Variants in TOM1L1 observed in about 807,000 individuals in gnomAD.
TOM1L1 encodes the protein target of myb1 like 1 membrane trafficking protein, also known as TOM1-like protein 1.
A neutral mutation model predicts 63.4 loss-of-function variants in TOM1L1; 64 were observed. That is an observed-to-expected ratio of 1.01 (90% CI 0.83 to 1.24). The LOEUF is 1.24. Among genes scored for constraint, TOM1L1 ranks in the 50% most tolerant of loss-of-function variants. The pLI is 0.00. For synonymous variants in TOM1L1, 166 were observed against 194.4 expected, an observed-to-expected ratio of 0.85 and a Z score of 1.22; for missense variants, 536 against 567.0, an observed-to-expected ratio of 0.95 and a Z score of 0.55.
rs528333976 is a variant in TOM1L1 at position 54,920,591 on chromosome 17, G to T, written c.720+4729G>T. ...CCCAGGTGAAAGAGACCCCTCCAAA[G>T]GACTTTTCCCAGAAGCAACCCATAC... On this transcript the variant is annotated intron_variant, in intron 7 of 15. Coordinates refer to ENST00000575882, the MANE Select transcript of TOM1L1 (RefSeq NM_005486.3). Among the ~76,000 whole-genome samples, 224 of 152,298 alleles carry T rather than the reference G, an allele frequency of 1.5e-3. 8 individuals are homozygous for T. In the South Asian group the frequency reaches 0.045, roughly 31 times the overall value.
chr17:54,913,830 A>G lies in TOM1L1; in HGVS notation c.455A>G (p.Gln152Arg). The change falls in exon 5 of 16, where the codon CAG becomes CGG. Residue 152 changes from glutamine to arginine, a missense_variant. Transcript: ENST00000575882. ...CTCGACCTGGTTAAGAAAGGCGTTC[A>G]GTTTCCTCCCTCAGAAGCAGAGGCT... is the stretch of plus-strand genomic sequence containing the variant. ...VYLDLVKKGV[Q>R]FPPSEAEAET... 6.2e-7 allele frequency: 1 copy of G among 1,612,094 alleles called. No individual in the cohort carries two copies. Among genetic ancestry groups the G allele is most frequent in the Non-Finnish European group, 8.5e-7 (1 of 1,178,744 alleles).
intron 11 of TOM1L1, among the ~76,000 whole-genome samples, chr17:54,939,687 G>GGA (rs1202555810): frequency 6.6e-6 from 1 of 152,044 alleles, no homozygotes; most frequent in African/African-American, 2.4e-5. Flanking sequence ...CCTCTTAATA[G>GGA]CTGGGACTAC....
At chr17:54,906,478 A>G (rs2048412404) in intron 3 of TOM1L1, among the ~76,000 whole-genome samples, 1 of 147,844 alleles carries the variant, frequency 6.8e-6, no homozygotes, top group African/African-American at 2.5e-5. Flanking sequence ...CTCCTTCTCA[A>G]AAAAAAAAAA....
At chr17:54,945,412 A>AT (rs1406581584) in intron 11 of TOM1L1, among the ~76,000 whole-genome samples, 1 of 152,164 alleles carries the variant, frequency 6.6e-6, no homozygotes, top group Non-Finnish European at 1.5e-5. Flanking sequence ...TTGTGGCTTT[A>AT]TGTCTTTCAC....
At chr17:54,958,692 T>C (rs2077019326) in intron 14 of TOM1L1, among the ~76,000 whole-genome samples, 1 of 136,246 alleles carries the variant, frequency 7.3e-6, no homozygotes, top group African/African-American at 2.7e-5. Flanking sequence ...ATCCCACTAT[T>C]GCACTCTAGC....
At chr17:54,910,835 A>C (rs1318850714) in intron 3 of TOM1L1, among the ~76,000 whole-genome samples, 1 of 152,216 alleles carries the variant, frequency 6.6e-6, no homozygotes, top group Non-Finnish European at 1.5e-5. Context: ...TTAAAACTAT[A>C]GCGTTTTAAG....
intron 11 of TOM1L1, among the ~76,000 whole-genome samples, chr17:54,940,075 T>C (rs2049011502): frequency 6.6e-6 from 1 of 152,166 alleles, no homozygotes; most frequent in South Asian, 2.1e-4. Flanking sequence ...TTTGTGTTTT[T>C]AGTAGAGGTG....
chr17:54,959,852 A>G (rs1278535743), intron 14 of TOM1L1, among the ~76,000 whole-genome samples: 1 of 152,106 alleles, frequency 6.6e-6, no homozygotes, highest in African/African-American at 2.4e-5. Flanking sequence ...CCTGGACTCA[A>G]GCGATCCACC....
intron 11 of TOM1L1, 54 bp from the exon 12 acceptor site, chr17:54,947,207 T>C: frequency 6.4e-7 from 1 of 1,554,974 alleles, no homozygotes; most frequent in Non-Finnish European, 8.9e-7. Flanking sequence ...TCTTACTTTT[T>C]GCATTTGTGT....
intron 11 of TOM1L1, among the ~76,000 whole-genome samples, chr17:54,942,790 C>A (rs1362231996): frequency 6.6e-6 from 1 of 152,138 alleles, no homozygotes; most frequent in East Asian, 1.9e-4. Flanking sequence ...CAGAATAGTT[C>A]CGTCACTCAG....
At chr17:54,951,511 G>C (rs2049236939) in intron 14 of TOM1L1, among the ~76,000 whole-genome samples, 1 of 152,196 alleles carries the variant, frequency 6.6e-6, no homozygotes, top group African/African-American at 2.4e-5. Flanking sequence ...GGTGAAAGGA[G>C]GACTAGAGAA....
intron 4 of TOM1L1, among the ~76,000 whole-genome samples, chr17:54,913,501 T>C (rs1467688949): frequency 2.0e-5 from 3 of 151,768 alleles, no homozygotes; most frequent in Admixed American, 6.6e-5. Flanking sequence ...CCGTCTCTAC[T>C]AAAAAATACA....
intron 1 of TOM1L1, among the ~76,000 whole-genome samples, chr17:54,901,605 TACCAGC>T (rs2048328492): frequency 6.6e-6 from 1 of 152,064 alleles, no homozygotes; most frequent in African/African-American, 2.4e-5. Context: ...ATTGGACTCC[TACCAGC>T]ACCAGCTCAC....
intron 10 of TOM1L1, chr17:54,937,578 G>C (rs1004588794): frequency 1.7e-4 from 34 of 201,682 alleles, no homozygotes; most frequent in Middle Eastern, 4.0e-3. Flanking sequence ...TCAGCATCAG[G>C]TAAGGGAGTA....
At chr17:54,925,835 C>G (rs1182105686) in intron 7 of TOM1L1, among the ~76,000 whole-genome samples, 1 of 151,974 alleles carries the variant, frequency 6.6e-6, no homozygotes, top group Non-Finnish European at 1.5e-5. Flanking sequence ...ACCCGGGAGG[C>G]AAAGTTGCAG....
Position 54,947,314 on chromosome 17 carries a change from T to TG in TOM1L1, c.1182+2_1182+3insG, listed in dbSNP as rs2049136865. The TG allele has an allele frequency of 1.2e-6, 2 of 1,614,122 alleles. No individual in the cohort carries two copies. ...ACCTCAAGCCACGCATATGATAATGTAAGTAACAAAACTCTTTTCTAGCAG... is the reference window on the plus strand; with the variant it reads ...ACCTCAAGCCACGCATATGATAATGTGAAGTAACAAAACTCTTTTCTAGCAG... On this transcript the variant is annotated splice_region_variant and intron_variant, in intron 12 of 15. Coordinates refer to ENST00000575882, the MANE Select transcript of TOM1L1 (RefSeq NM_005486.3).
At chr17:54,934,318 CTT>C (rs1439953565) in intron 8 of TOM1L1, among the ~76,000 whole-genome samples, 3 of 152,198 alleles carry the variant, frequency 2.0e-5, no homozygotes, top group South Asian at 2.1e-4. Context: ...CCCAGCTTGA[CTT>C]TTCCCTTTGG....
intron 7 of TOM1L1, among the ~76,000 whole-genome samples, chr17:54,923,995 AAAAT>A (rs2048726596): frequency 6.6e-6 from 1 of 152,096 alleles, no homozygotes; most frequent in African/African-American, 2.4e-5. Flanking sequence ...AAAATAAAAT[AAAAT>A]AAATAAAATA....
At chr17:54,944,428 C>T (rs557180669) in intron 11 of TOM1L1, among the ~76,000 whole-genome samples, 6 of 144,468 alleles carry the variant, frequency 4.2e-5, no homozygotes, top group East Asian at 4.0e-4. Context: ...CCAGCCTGGG[C>T]GACACAGCAA....
Sources: allele counts gnomAD v4.1 joint callset (sites outside exome capture counted in the v4.1 genomes callset), GRCh38; gene constraint gnomAD v4.1.1; transcripts MANE v1.5; gene names NCBI Gene and HGNC (gene_info 2026-07-23, HGNC 2026-07-21).